The following KLC1 variants were observed in gnomAD, a reference collection of about 807,000 sequenced individuals.
KLC1 encodes the protein kinesin 2 60/70kDa.
KLC1 carries 30 observed loss-of-function variants against 84.2 expected under a neutral mutation model. That is an observed-to-expected ratio of 0.36 (90% CI 0.27 to 0.48). The LOEUF is 0.48. Among genes scored for constraint, KLC1 ranks in the 20% least tolerant of loss-of-function variants. The probability of loss-of-function intolerance (pLI) is 0.99; values close to 1 mark genes in which losing one functional copy is unlikely to be tolerated. For missense variants in KLC1, 499 were observed against 805.4 expected (o/e 0.62, Z 4.60); for synonymous variants, 289 against 293.3 (o/e 0.99, Z 0.15).
At chr14:103,680,385 G>A (rs2081255523) in intron 13 of KLC1, among the ~76,000 whole-genome samples, 1 of 151,722 alleles carries the variant, frequency 6.6e-6, no homozygotes, top group Non-Finnish European at 1.5e-5. Context: ...GTTTTTTGAA[G>A]TTGCCGTAGT....
At chr14:103,671,780 G>C (rs1441461405) in intron 7 of KLC1, among the ~76,000 whole-genome samples, 3 of 152,144 alleles carry the variant, frequency 2.0e-5, no homozygotes, top group African/African-American at 7.2e-5. Flanking sequence ...ATAAAAAGGG[G>C]CTCCTTATCA....
chr14:103,690,124 T>C (rs1169310963), intron 14 of KLC1, among the ~76,000 whole-genome samples: 2 of 151,274 alleles, frequency 1.3e-5, no homozygotes, highest in African/African-American at 4.9e-5. Flanking sequence ...GAGGTTGCAG[T>C]GAGCCAAGAT....
chr14:103,634,447 G>A (rs1310131437), intron 1 of KLC1, among the ~76,000 whole-genome samples: 3 of 152,176 alleles, frequency 2.0e-5, no homozygotes, highest in Admixed American at 6.5e-5. Context: ...TGAAGTGCTT[G>A]TGGGGCAGCC....
chr14:103,645,069 G>T (rs1445882645), intron 1 of KLC1, among the ~76,000 whole-genome samples: 2 of 152,052 alleles, frequency 1.3e-5, no homozygotes, highest in African/African-American at 4.8e-5. Context: ...CGCCTCCTGG[G>T]TTCAAGTGAT....
At chr14:103,649,081 G>A (rs1245182333) in intron 1 of KLC1, among the ~76,000 whole-genome samples, 2 of 152,082 alleles carry the variant, frequency 1.3e-5, no homozygotes, top group Non-Finnish European at 2.9e-5. Flanking sequence ...AAGTTGCAGT[G>A]AGCCAAAATA....
chr14:103,676,931 G>A (rs2080944329), intron 11 of KLC1, among the ~76,000 whole-genome samples: 1 of 152,182 alleles, frequency 6.6e-6, no homozygotes, highest in Non-Finnish European at 1.5e-5. Flanking sequence ...CCTGGTACAT[G>A]AAGCATTTAT....
chr14:103,638,358 C>T (rs1444647830), intron 1 of KLC1, among the ~76,000 whole-genome samples: 2 of 152,140 alleles, frequency 1.3e-5, no homozygotes, highest in South Asian at 2.1e-4. Context: ...GCTTTTTCTA[C>T]CACATTCTTT....
At chr14:103,692,472 T>C in intron 15 of KLC1, 47 bp downstream of exon 15, 4 of 1,498,726 alleles carry the variant, frequency 2.7e-6, no homozygotes, top group Non-Finnish European at 3.6e-6. Flanking sequence ...CAGACCACGC[T>C]GGCAGGTCTG....
rs971907695 is a variant in KLC1, at chr14:103,693,076, C to T, written c.1848+651C>T. Among the ~76,000 whole-genome samples the T allele has an allele frequency of 1.3e-5, 2 of 152,218 alleles. No individual in the cohort carries two copies. The highest frequency in any genetic ancestry group is 4.8e-5 in the African/African-American group (2 of 41,448). ...CTGTTTCTCAGGTGCCTGGGGCCCA[C>T]CCGGCAGCTCGAGCTGTTGGGACTT... On this transcript the variant is annotated intron_variant, in intron 15 of 16. Transcript: ENST00000334553. The surrounding 1 kb of genome is among the most constrained non-coding windows in gnomAD (Gnocchi z 5.1).
intron 11 of KLC1, among the ~76,000 whole-genome samples, chr14:103,676,466 G>A (rs1220318041): frequency 2.6e-5 from 4 of 151,970 alleles, no homozygotes; most frequent in Admixed American, 6.6e-5. Context: ...GAGTTTCACC[G>A]TGTTGGCCAG....
At chr14:103,697,430 G>A (rs1391406734) in intron 15 of KLC1, among the ~76,000 whole-genome samples, 1 of 152,166 alleles carries the variant, frequency 6.6e-6, no homozygotes, top group African/African-American at 2.4e-5. Context: ...AAGGTGGGGG[G>A]TGACAATTTC....
chr14:103,701,301 G>A lies in KLC1; in HGVS notation c.*102G>A, dbSNP rs534376993. ...CAGGGAGGGCCCCTGGCCGGGAGCCGCAGCGCTCACTCATTTCTCCTGCGT... is the reference window on the plus strand; with the variant it reads ...CAGGGAGGGCCCCTGGCCGGGAGCCACAGCGCTCACTCATTTCTCCTGCGT... On this transcript the variant is annotated 3_prime_UTR_variant, in exon 17 of 17. Transcript: ENST00000334553. 3.1e-5 allele frequency: 39 copies of A among 1,273,214 alleles called. No homozygotes were observed. The highest frequency in any genetic ancestry group is 2.3e-4 in the Admixed American group (11 of 48,028). The allele number at this position is 1,273,214 out of a possible 1,614,324, so 78.9% of individuals were successfully genotyped here. A position where few individuals can be genotyped will look rare whatever the true frequency, so the allele number is the denominator to read the frequency against.
At chr14:103,676,546 G>A (rs755734824) in intron 11 of KLC1, among the ~76,000 whole-genome samples, 9 of 152,172 alleles carry the variant, frequency 5.9e-5, no homozygotes, top group Non-Finnish European at 1.2e-4. Flanking sequence ...GATTACAGGT[G>A]TGAGCCACTG....
chr14:103,699,562 C>T (rs146875659), intron 15 of KLC1: 7 of 1,613,424 alleles, frequency 4.3e-6, no homozygotes, highest in South Asian at 1.1e-5. Context: ...TATTCACACA[C>T]TCCAACAAGG....
At chr14:103,674,527 A>G (rs760657912) in intron 9 of KLC1, among the ~76,000 whole-genome samples, 3 of 151,082 alleles carry the variant, frequency 2.0e-5, no homozygotes, top group African/African-American at 7.3e-5. Flanking sequence ...TGATTCTCCT[A>G]CCTCAGCCTC....
At chr14:103,662,046 T>C (rs2079341093) in intron 3 of KLC1, 70 bp from the exon 4 acceptor site, 1 of 980,494 alleles carries the variant, frequency 1.0e-6, no homozygotes, top group Non-Finnish European at 1.6e-6. Context: ...GTATTTAATA[T>C]TAAAAATTTT....
chr14:103,682,490 G>C (rs770487061), intron 13 of KLC1: 2 of 151,928 alleles, frequency 1.3e-5, no homozygotes, highest in Non-Finnish European at 2.9e-5. Flanking sequence ...TTTGAGACCA[G>C]CTTGGCCAAC....
chr14:103,635,600 T>C (rs2076986218), intron 1 of KLC1, among the ~76,000 whole-genome samples: 1 of 151,920 alleles, frequency 6.6e-6, no homozygotes, highest in Non-Finnish European at 1.5e-5. Context: ...ACTAAAAATA[T>C]AAAATTAGCC....
chr14:103,654,655 G>A lies in KLC1; in HGVS notation c.91G>A (p.Val31Ile), dbSNP rs1446162844. ...QDEIISKTKQ[V>I]IQGLEALKNE... ...TGAAATTATTTCTAAGACAAAGCAAGTAATTCAGGGGCTGGAAGCTTTGAA... is the reference window on the plus strand; with the variant it reads ...TGAAATTATTTCTAAGACAAAGCAAATAATTCAGGGGCTGGAAGCTTTGAA... The change falls in exon 2 of 17, where the codon GTA becomes ATA. Residue 31 changes from valine to isoleucine, a missense_variant. Physicochemically the swap from Val to Ile is conservative, Grantham distance 29. This residue lies in a region of KLC1 where 179 missense variants were observed against 264.2 expected (regional missense o/e 0.68). Coordinates refer to ENST00000334553, the MANE Select transcript of KLC1 (RefSeq NM_001394837.1). 6.2e-7 allele frequency: 1 copy of A among 1,614,184 alleles called. No homozygotes were observed. Among genetic ancestry groups the A allele is most frequent in the Admixed American group, 1.7e-5 (1 of 60,022 alleles).
Sources: allele counts gnomAD v4.1 joint callset (sites outside exome capture counted in the v4.1 genomes callset), GRCh38; gene constraint gnomAD v4.1.1; regional missense constraint gnomAD v4.1.1; non-coding constraint Gnocchi (gnomAD v3.1); transcripts MANE v1.5; gene names NCBI Gene and HGNC (gene_info 2026-07-23, HGNC 2026-07-21).